Variants in CREB3L2 observed in about 807,000 individuals in gnomAD.
CREB3L2 encodes the protein cyclic AMP-responsive element-binding protein 3-like protein 2.
In CREB3L2, 23 loss-of-function variants were observed where a neutral mutation model predicts 57.2. The ratio of observed to expected loss-of-function variants is 0.40; its 90% CI spans 0.29 to 0.57. The LOEUF is 0.57. Ranked by LOEUF, CREB3L2 falls within the 20% of genes least tolerant of loss-of-function variation. CREB3L2 has a pLI of 0.42. For synonymous variants in CREB3L2, 268 were observed against 265.1 expected (o/e 1.01, Z -0.11); for missense variants, 628 against 634.7 (o/e 0.99, Z 0.11).
intron 1 of CREB3L2, among the ~76,000 whole-genome samples, chr7:137,972,712 A>AATAT (rs1563270138): frequency 3.5e-4 from 12 of 34,106 alleles, no homozygotes; most frequent in South Asian, 2.0e-3. Context: ...AAAAAAAAAA[A>AATAT]ATATATATAT....
intron 1 of CREB3L2, among the ~76,000 whole-genome samples, chr7:137,964,997 C>T (rs943438588): frequency 8.5e-5 from 13 of 152,092 alleles, no homozygotes; most frequent in African/African-American, 2.9e-4. Context: ...GTCCATGAAA[C>T]CTCTTTTTCT....
At chr7:137,892,283 C>T (rs1799541460) in intron 8 of CREB3L2, among the ~76,000 whole-genome samples, 1 of 147,850 alleles carries the variant, frequency 6.8e-6, no homozygotes, top group Non-Finnish European at 1.5e-5. Context: ...ATTTACACTA[C>T]ATAAAATGTA....
chr7:137,917,072 T>A (rs976482430), intron 2 of CREB3L2, among the ~76,000 whole-genome samples: 3 of 152,216 alleles, frequency 2.0e-5, no homozygotes, highest in African/African-American at 4.8e-5. Flanking sequence ...TGGTTTGTAA[T>A]AACCATCTGC....
chr7:137,900,211 C>T (rs1799722208), intron 8 of CREB3L2, among the ~76,000 whole-genome samples: 1 of 152,200 alleles, frequency 6.6e-6, no homozygotes, highest in Non-Finnish European at 1.5e-5. Context: ...CTCCCACATC[C>T]AGGCTCCAGA....
intron 1 of CREB3L2, among the ~76,000 whole-genome samples, chr7:137,972,946 T>C (rs28634773): frequency 0.31 from 46,762 of 149,622 alleles, 7,725 homozygotes; most frequent in Middle Eastern, 0.44. Context: ...GGTAACAAAG[T>C]CCTCTTGTTT....
At position 138,001,844 on chromosome 7, in the gene CREB3L2, A is replaced by T. The variant is rs778060865; in HGVS notation, c.-139T>A. 2.4e-5 allele frequency: 13 copies of T among 552,426 alleles called. No homozygotes were observed. The highest frequency in any genetic ancestry group is 4.0e-5 in the Non-Finnish European group (13 of 324,210). The allele number at this position is 552,426 out of a possible 1,614,324, so 34.2% of individuals were successfully genotyped here. On this transcript the variant is annotated 5_prime_UTR_variant, in exon 1 of 12. Coordinates refer to ENST00000330387, the MANE Select transcript of CREB3L2 (RefSeq NM_194071.4). The surrounding 1 kb of genome is among the most constrained non-coding windows in gnomAD (Gnocchi z 4.2). ...CGTGTCTGTAGTTTTGCACTTGGAAAGCAAACGTCTGCTCCTCTGCCGGAG... is the reference window on the plus strand; with the variant it reads ...CGTGTCTGTAGTTTTGCACTTGGAATGCAAACGTCTGCTCCTCTGCCGGAG...
At chr7:137,954,402 G>T (rs1321366591) in intron 1 of CREB3L2, among the ~76,000 whole-genome samples, 4 of 152,166 alleles carry the variant, frequency 2.6e-5, no homozygotes, top group Non-Finnish European at 4.4e-5. Flanking sequence ...CCAGGCAGGG[G>T]GCAGGGGGCT....
intron 10 of CREB3L2, among the ~76,000 whole-genome samples, chr7:137,883,058 A>G (rs1799332961): frequency 6.6e-6 from 1 of 152,220 alleles, no homozygotes; most frequent in Non-Finnish European, 1.5e-5. Flanking sequence ...CTCATTTAGA[A>G]AGGGAAGAGG....
At chr7:137,963,512 A>G (rs1401598924) in intron 1 of CREB3L2, among the ~76,000 whole-genome samples, 1 of 152,166 alleles carries the variant, frequency 6.6e-6, no homozygotes, top group Non-Finnish European at 1.5e-5. Flanking sequence ...TAGCTTCTGG[A>G]TACATTATTT....
At chr7:137,912,947 G>GGGTCT (rs1246013693) in intron 4 of CREB3L2, 44 bp downstream of exon 4, 5 of 1,609,860 alleles carry the variant, frequency 3.1e-6, no homozygotes, top group Non-Finnish European at 3.4e-6. Flanking sequence ...TAGACCCAGA[G>GGGTCT]ACCATATCCA....
At chr7:137,978,740 C>T (rs1801655306) in intron 1 of CREB3L2, among the ~76,000 whole-genome samples, 1 of 152,174 alleles carries the variant, frequency 6.6e-6, no homozygotes, top group African/African-American at 2.4e-5. Flanking sequence ...GCAGTAGTGA[C>T]GCAGCTGAGG....
intron 1 of CREB3L2, among the ~76,000 whole-genome samples, chr7:137,983,585 A>G (rs982931873): frequency 2.6e-5 from 4 of 152,210 alleles, no homozygotes; most frequent in African/African-American, 9.6e-5. Context: ...ACTCTCACTT[A>G]GTATTTTTAC....
rs775434954 is a variant in CREB3L2, at chr7:137,915,919, A to T, written c.413T>A (p.Leu138His). 5.0e-6 allele frequency: 8 copies of T among 1,614,126 alleles called. No homozygotes were observed. In the East Asian group the frequency reaches 1.8e-4, roughly 36 times the overall value. Reference protein sequence around the residue: ...EPVTDEPPPGLVPSVTLTITA... With the variant: ...EPVTDEPPPGHVPSVTLTITA... ...GATGGTCAGAGTGACAGACGGAACGAGTCCTGGGGGTGGTTCGTCTGTAAC... is the reference window on the plus strand; with the variant it reads ...GATGGTCAGAGTGACAGACGGAACGTGTCCTGGGGGTGGTTCGTCTGTAAC... Residue 138 changes from leucine to histidine, a missense_variant, in exon 3 of 12, where the codon CTC (leucine) becomes CAC (histidine). By Grantham distance (99) the Leu-to-His change is moderately conservative (BLOSUM62 -3). Around this residue, in one of 3 missense-constraint regions of CREB3L2, gnomAD observed 339 missense variants for 355.4 expected, o/e 0.95. Transcript: ENST00000330387.
At chr7:137,931,229 C>G (rs1800610114) in intron 1 of CREB3L2, among the ~76,000 whole-genome samples, 1 of 151,404 alleles carries the variant, frequency 6.6e-6, no homozygotes, top group African/African-American at 2.4e-5. Context: ...GAGAACCTGT[C>G]TTTAAAGAAA....
chr7:137,985,889 A>G (rs552707148), intron 1 of CREB3L2, among the ~76,000 whole-genome samples: 1 of 152,314 alleles, frequency 6.6e-6, no homozygotes, highest in African/African-American at 2.4e-5. Context: ...CTTTTTCCCT[A>G]AATGCCTTTC....
chr7:137,897,980 C>T (rs1049797352), intron 8 of CREB3L2, among the ~76,000 whole-genome samples: 3 of 151,974 alleles, frequency 2.0e-5, no homozygotes, highest in African/African-American at 4.8e-5. Flanking sequence ...AGGCAGCCCA[C>T]GGATTGGGAG....
chr7:137,999,614 T>C (rs1331683577), intron 1 of CREB3L2: 1 of 151,968 alleles, frequency 6.6e-6, no homozygotes, highest in African/African-American at 2.4e-5. Flanking sequence ...TCTAACAGAG[T>C]TCAGGAAACA....
chr7:137,977,553 C>T (rs1040330986), intron 1 of CREB3L2, among the ~76,000 whole-genome samples: 4 of 151,978 alleles, frequency 2.6e-5, no homozygotes, highest in African/African-American at 9.7e-5. Flanking sequence ...ATTTTGAAGG[C>T]AATAAATGAC....
chr7:137,973,289 G>A (rs372990356), intron 1 of CREB3L2, among the ~76,000 whole-genome samples: 4 of 152,130 alleles, frequency 2.6e-5, no homozygotes, highest in East Asian at 3.9e-4. Flanking sequence ...TGCCTTGTAC[G>A]GAAGACTTGG....
Sources: gnomAD v4.1 joint callset for allele counts (sites outside exome capture counted in the v4.1 genomes callset) on GRCh38, gnomAD v4.1.1 for gene constraint, gnomAD v4.1.1 regional missense constraint, Gnocchi (gnomAD v3.1) non-coding constraint, MANE v1.5 for transcripts, NCBI Gene and HGNC (gene_info 2026-07-23, HGNC 2026-07-21) for gene names.